REDIC1: variants seen among roughly 807,000 people sequenced by gnomAD.
REDIC1 encodes the protein regulator of DNA class I crossover intermediates 1.
At chr12:39,833,055 C>A in the REDIC1 span, among the ~76,000 whole-genome samples, 1 of 152,078 alleles carries the variant, frequency 6.6e-6, no homozygotes, top group Non-Finnish European at 1.5e-5. Flanking sequence ...TTACATTTAT[C>A]CACATCCTGG....
At chr12:39,744,277 A>C in the REDIC1 span, among the ~76,000 whole-genome samples, 1 of 152,164 alleles carries the variant, frequency 6.6e-6, no homozygotes, top group Non-Finnish European at 1.5e-5. Flanking sequence ...TTCAGACAAA[A>C]ATTGAGGGAG....
chr12:39,730,717 G>A, the REDIC1 span, among the ~76,000 whole-genome samples: 7 of 152,156 alleles, frequency 4.6e-5, no homozygotes, highest in East Asian at 1.9e-4. Flanking sequence ...GGTTGGGGGA[G>A]TTCTCCTGGA....
the REDIC1 span, chr12:39,626,445 A>C: frequency 1.9e-6 from 3 of 1,553,162 alleles, no homozygotes; most frequent in Non-Finnish European, 1.8e-6. Context: ...TCACAGCCTT[A>C]GCTGGAAAGA....
chr12:39,706,772 A>G, the REDIC1 span, among the ~76,000 whole-genome samples: 1 of 152,070 alleles, frequency 6.6e-6, no homozygotes, highest in Admixed American at 6.6e-5. Flanking sequence ...AGTCTCTTCA[A>G]TGAATGCTGC....
chr12:39,697,157 G>A, the REDIC1 span, among the ~76,000 whole-genome samples: 3 of 152,176 alleles, frequency 2.0e-5, no homozygotes, highest in Non-Finnish European at 2.9e-5. Flanking sequence ...GCTGCAATAC[G>A]TCTGGGAGCA....
the REDIC1 span, among the ~76,000 whole-genome samples, chr12:39,640,476 G>A: frequency 9.2e-5 from 14 of 151,926 alleles, no homozygotes; most frequent in African/African-American, 3.1e-4. Context: ...AGTACATATG[G>A]CTGATATATT....
the REDIC1 span, among the ~76,000 whole-genome samples, chr12:39,748,404 A>G: frequency 6.6e-6 from 1 of 152,230 alleles, no homozygotes; most frequent in African/African-American, 2.4e-5. Context: ...ATACAGGAGC[A>G]CCCAGATTCA....
chr12:39,637,365 A>G, the REDIC1 span, among the ~76,000 whole-genome samples: 1 of 152,092 alleles, frequency 6.6e-6, no homozygotes, highest in Non-Finnish European at 1.5e-5. Flanking sequence ...TTCATTTTCC[A>G]GAATAACGTA....
the REDIC1 span, among the ~76,000 whole-genome samples, chr12:39,772,179 C>T: frequency 6.6e-6 from 1 of 152,136 alleles, no homozygotes; most frequent in African/African-American, 2.4e-5. Context: ...TACAGCATGG[C>T]ACAAGGGTCA....
chr12:39,666,646 A>G, the REDIC1 span, among the ~76,000 whole-genome samples: 2 of 152,166 alleles, frequency 1.3e-5, no homozygotes, highest in Non-Finnish European at 1.5e-5. Flanking sequence ...AAATGGTACC[A>G]GCTCCTCCTT....
At chr12:39,690,349 G>C in the REDIC1 span, among the ~76,000 whole-genome samples, 2 of 152,040 alleles carry the variant, frequency 1.3e-5, no homozygotes, top group African/African-American at 4.8e-5. Context: ...TAAAGGTTTA[G>C]TAGAGGAATA....
chr12:39,756,237 A>G, the REDIC1 span: 3 of 151,916 alleles, frequency 2.0e-5, no homozygotes, highest in African/African-American at 4.8e-5. Flanking sequence ...TTTAACCACA[A>G]TTTAATACAT....
the REDIC1 span, among the ~76,000 whole-genome samples, chr12:39,744,557 A>T: frequency 6.6e-6 from 1 of 152,208 alleles, no homozygotes; most frequent in African/African-American, 2.4e-5. Context: ...AGGAATTAGG[A>T]ATAGCGTAAG....
At chr12:39,709,733 A>G in the REDIC1 span, among the ~76,000 whole-genome samples, 1 of 151,628 alleles carries the variant, frequency 6.6e-6, no homozygotes, top group South Asian at 2.1e-4. Flanking sequence ...TTCTGTATCC[A>G]TTCTTTCATT....
At chr12:39,895,551 TACACAC>T in the REDIC1 span, among the ~76,000 whole-genome samples, 15 of 66,766 alleles carry the variant, frequency 2.2e-4, no homozygotes, top group Non-Finnish European at 3.6e-4. Context: ...TATATATATA[TACACAC>T]ACACACACAC....
chr12:39,896,546 GTGTA>G, the REDIC1 span, among the ~76,000 whole-genome samples: 3 of 141,112 alleles, frequency 2.1e-5, no homozygotes, highest in East Asian at 6.5e-4. Context: ...GTATGTATGT[GTGTA>G]TACATGTATA....
chr12:39,800,264 T>A, the REDIC1 span, among the ~76,000 whole-genome samples: 4,023 of 152,242 alleles, frequency 0.026, 175 homozygotes, highest in African/African-American at 0.092. Flanking sequence ...CTTCTGAGAA[T>A]AATATAAATA....
At chr12:39,769,460 A>ATGATCTACACAAGGCATGGC in the REDIC1 span, among the ~76,000 whole-genome samples, 8 of 152,118 alleles carry the variant, frequency 5.3e-5, no homozygotes, top group African/African-American at 1.9e-4. Context: ...ATTACTTTGA[A>ATGATCTACACAAGGCATGGC]CATCAATTTT....
At chr12:39,706,475 C>A in the REDIC1 span, among the ~76,000 whole-genome samples, 15 of 151,802 alleles carry the variant, frequency 9.9e-5, no homozygotes, top group African/African-American at 3.1e-4. Flanking sequence ...TATATGGAAC[C>A]ATAAAAGACC....
Sources: gnomAD v4.1 joint callset for allele counts (sites outside exome capture counted in the v4.1 genomes callset) on GRCh38, gnomAD v4.1.1 for gene constraint, MANE v1.5 for transcripts, NCBI Gene and HGNC (gene_info 2026-07-23, HGNC 2026-07-21) for gene names.